Variants in LINC00305 observed in about 807,000 individuals in gnomAD.
The protein encoded by LINC00305 is long intergenic non-protein coding RNA 305.
At chr18:64,141,512 T>C (rs746344264) in intron 1 of LINC00305, among the ~76,000 whole-genome samples, 7 of 152,188 alleles carry the variant, frequency 4.6e-5, no homozygotes, top group Admixed American at 6.5e-5. Flanking sequence ...AAAAAGTTGT[T>C]GGTTAATGTT....
intron 1 of LINC00305, among the ~76,000 whole-genome samples, chr18:64,102,656 T>C (rs1317224175): frequency 6.6e-6 from 1 of 152,164 alleles, no homozygotes; most frequent in Non-Finnish European, 1.5e-5. Flanking sequence ...CTGCAGGCTA[T>C]ATAGGAAGTA....
rs367608873 is a variant in LINC00305 at position 64,092,486 on chromosome 18, C to T, written n.540+5348G>A. Among the ~76,000 whole-genome samples, 246 of 151,834 alleles carry T rather than the reference C, an allele frequency of 1.6e-3. 2 individuals carry two copies. The highest frequency in any genetic ancestry group is 5.7e-3 in the African/African-American group (236 of 41,378). Reference sequence around the variant, plus strand: ...CTGAGGCCGGAGAATCGCTTGAACCCGGGAGGCAGAGGTTGCACTGAGCCG... The same window carrying T: ...CTGAGGCCGGAGAATCGCTTGAACCTGGGAGGCAGAGGTTGCACTGAGCCG... On this transcript the variant is annotated intron_variant and non_coding_transcript_variant, in intron 3 of 3. Coordinates refer to ENST00000666468, the Ensembl canonical transcript of LINC00305.
chr18:64,116,141 C>T (rs1464104612), intron 1 of LINC00305, among the ~76,000 whole-genome samples: 1 of 152,154 alleles, frequency 6.6e-6, no homozygotes, highest in Non-Finnish European at 1.5e-5. Context: ...GTCTTCCTTG[C>T]CTATGTGATT....
intron 1 of LINC00305, among the ~76,000 whole-genome samples, chr18:64,105,144 T>C (rs752421782): frequency 2.0e-5 from 3 of 152,166 alleles, no homozygotes; most frequent in Non-Finnish European, 4.4e-5. Context: ...GTAGCTTCCC[T>C]GAGGTATCAC....
chr18:64,107,907 A>G (rs1371835343), intron 1 of LINC00305, among the ~76,000 whole-genome samples: 6 of 152,192 alleles, frequency 3.9e-5, no homozygotes, highest in African/African-American at 1.4e-4. Context: ...GTTCTCCAGA[A>G]CAGGCTCAGG....
intron 1 of LINC00305, among the ~76,000 whole-genome samples, chr18:64,135,130 G>C (rs2051426767): frequency 6.6e-6 from 1 of 152,096 alleles, no homozygotes; most frequent in Non-Finnish European, 1.5e-5. Context: ...TCTTGTCCTT[G>C]TGTCTTTTCA....
chr18:64,109,982 T>A (rs1444556297), intron 1 of LINC00305, among the ~76,000 whole-genome samples: 1 of 152,220 alleles, frequency 6.6e-6, no homozygotes, highest in Non-Finnish European at 1.5e-5. Flanking sequence ...TCTGCAATTT[T>A]TTTTTAAGCT....
intron 1 of LINC00305, among the ~76,000 whole-genome samples, chr18:64,100,326 A>G (rs565531471): frequency 9.2e-5 from 14 of 152,306 alleles, no homozygotes; most frequent in African/African-American, 3.4e-4. Context: ...CAAAAAGTCA[A>G]TTGGAGCTCT....
intron 3 of LINC00305, among the ~76,000 whole-genome samples, chr18:64,092,088 C>T (rs931322472): frequency 6.6e-6 from 1 of 152,180 alleles, no homozygotes; most frequent in Non-Finnish European, 1.5e-5. Context: ...GAAAAACCAA[C>T]ATTTCCCTTA....
chr18:64,097,296 G>A (rs546742152), intron 3 of LINC00305, among the ~76,000 whole-genome samples: 21 of 152,106 alleles, frequency 1.4e-4, no homozygotes, highest in Non-Finnish European at 2.4e-4. Context: ...AAGATTTTCT[G>A]TATTTGATTT....
chr18:64,143,282 C>T (rs933023554), intron 1 of LINC00305, among the ~76,000 whole-genome samples: 2 of 152,056 alleles, frequency 1.3e-5, no homozygotes, highest in Non-Finnish European at 2.9e-5. Context: ...AAGAGGTAAA[C>T]ATAAGATTAA....
rs190666751 is a variant in LINC00305 at position 64,135,651 on chromosome 18, T to A, written n.314+13124A>T. 8.9e-4 allele frequency among the ~76,000 whole-genome samples: 136 copies of A among 152,260 alleles called. 1 individual carries two copies. Among genetic ancestry groups the A allele is most frequent in the African/African-American group, 3.2e-3 (135 of 41,548 alleles). On this transcript the variant is annotated intron_variant and non_coding_transcript_variant, in intron 1 of 3. Transcript: ENST00000666468. ...CCCAGGCTGGAGTGCAGTGGTAGGA[T>A]CTCAGCTCGCTGCAGCCTCCACCTC...
At chr18:64,133,729 G>A (rs1568116728) in intron 1 of LINC00305, among the ~76,000 whole-genome samples, 1 of 152,148 alleles carries the variant, frequency 6.6e-6, no homozygotes, top group Non-Finnish European at 1.5e-5. Context: ...TTCAGGAGCA[G>A]CTTAAATCAC....
chr18:64,144,982 G>A (rs1275853592), intron 1 of LINC00305, among the ~76,000 whole-genome samples: 1 of 152,080 alleles, frequency 6.6e-6, no homozygotes, highest in Non-Finnish European at 1.5e-5. Flanking sequence ...GGATAAGATA[G>A]GGCTATAAAC....
exon 4 of LINC00305, chr18:64,080,101 G>T: frequency 5.4e-6 from 1 of 186,272 alleles, no homozygotes; most frequent in Non-Finnish European, 1.2e-5. Context: ...AGTGAACTCT[G>T]CTTCAGAAAG....
intron 3 of LINC00305, among the ~76,000 whole-genome samples, chr18:64,095,724 A>T (rs1330980587): frequency 1.3e-5 from 2 of 152,196 alleles, no homozygotes; most frequent in Admixed American, 1.3e-4. Context: ...GAGAAAAGAA[A>T]CAGATCAGAG....
chr18:64,099,900 C>A (rs1435778791), intron 1 of LINC00305, among the ~76,000 whole-genome samples: 1 of 152,144 alleles, frequency 6.6e-6, no homozygotes, highest in Non-Finnish European at 1.5e-5. Context: ...ATACATACAG[C>A]TTTTCGGAAC....
chr18:64,114,558 GGTTT>G (rs1307591896), intron 1 of LINC00305, among the ~76,000 whole-genome samples: 1 of 152,096 alleles, frequency 6.6e-6, no homozygotes, highest in Non-Finnish European at 1.5e-5. Flanking sequence ...TTTGTTTGTT[GGTTT>G]GTTTGAGATG....
At chr18:64,105,053 C>T (rs754556856) in intron 1 of LINC00305, among the ~76,000 whole-genome samples, 1 of 152,002 alleles carries the variant, frequency 6.6e-6, no homozygotes, top group Non-Finnish European at 1.5e-5. Context: ...CTCCACAAAC[C>T]GTTTGGGTGC....
Sources: allele counts gnomAD v4.1 joint callset (sites outside exome capture counted in the v4.1 genomes callset), GRCh38; gene constraint gnomAD v4.1.1; transcripts MANE v1.5; gene names NCBI Gene and HGNC (gene_info 2026-07-23, HGNC 2026-07-21).